The following RPS6KA2 variants were observed in gnomAD, a reference collection of about 807,000 sequenced individuals.
RPS6KA2 encodes the protein ribosomal protein S6 kinase alpha-2.
A neutral mutation model predicts 91.8 loss-of-function variants in RPS6KA2; 42 were observed. That is an observed-to-expected ratio of 0.46 (90% CI 0.36 to 0.59). The LOEUF (loss-of-function observed/expected upper bound fraction) is 0.59, where lower values mean the gene tolerates loss of function less well. Among genes scored for constraint, RPS6KA2 ranks in the 20% least tolerant of loss-of-function variants. RPS6KA2 has a pLI of 0.00. For synonymous variants in RPS6KA2, 414 were observed against 393.6 expected (o/e 1.05, Z -0.61); for missense variants, 798 against 978.5 (o/e 0.82, Z 2.46).
intron 13 of RPS6KA2, among the ~76,000 whole-genome samples, chr6:166,449,794 GCC>G (rs1779796654): frequency 8.8e-6 from 1 of 113,382 alleles, no homozygotes; most frequent in Admixed American, 9.6e-5. Flanking sequence ...CACCATGGGA[GCC>G]ACCACGGGGA....
intron 8 of RPS6KA2, among the ~76,000 whole-genome samples, chr6:166,497,433 G>A (rs1392225933): frequency 6.6e-6 from 1 of 152,240 alleles, no homozygotes; most frequent in African/African-American, 2.4e-5. Flanking sequence ...CTCCGACTGC[G>A]AACTGGCTTT....
At chr6:166,489,852 A>C (rs1781530319) in intron 9 of RPS6KA2, among the ~76,000 whole-genome samples, 1 of 152,116 alleles carries the variant, frequency 6.6e-6, no homozygotes, top group African/African-American at 2.4e-5. Flanking sequence ...CAATTTTATA[A>C]AAGTTATGTG....
At chr6:166,522,262 C>T (rs58357549) in intron 3 of RPS6KA2, among the ~76,000 whole-genome samples, 1,553 of 152,272 alleles carry the variant, frequency 0.01, 33 homozygotes, top group African/African-American at 0.036. Context: ...AAATTAAATG[C>T]AATTCTGTCA....
intron 2 of RPS6KA2, among the ~76,000 whole-genome samples, chr6:166,753,834 G>A (rs1777916534): frequency 6.6e-6 from 1 of 152,212 alleles, no homozygotes; most frequent in African/African-American, 2.4e-5. Context: ...GAAGAAAACA[G>A]ATCAAGAGCT....
intron 3 of RPS6KA2, among the ~76,000 whole-genome samples, chr6:166,525,214 G>C (rs1177555576): frequency 6.6e-6 from 1 of 152,164 alleles, no homozygotes; most frequent in Non-Finnish European, 1.5e-5. Flanking sequence ...ATACAAAGTG[G>C]GGATATTACC....
At chr6:166,837,366 G>T (rs1187444092) in intron 2 of RPS6KA2, among the ~76,000 whole-genome samples, 4 of 152,212 alleles carry the variant, frequency 2.6e-5, no homozygotes, top group Admixed American at 6.5e-5. Context: ...CTCAGCTCAG[G>T]CTCACTGTGG....
chr6:166,858,797 C>T (rs951169597), intron 1 of RPS6KA2, among the ~76,000 whole-genome samples: 1 of 152,224 alleles, frequency 6.6e-6, no homozygotes, highest in Non-Finnish European at 1.5e-5. Context: ...TTAAGTGGAA[C>T]CATCTGGGTC....
At chr6:166,464,145 C>T (rs992889821) in intron 11 of RPS6KA2, among the ~76,000 whole-genome samples, 1 of 152,228 alleles carries the variant, frequency 6.6e-6, no homozygotes, top group African/African-American at 2.4e-5. Context: ...ACTCTCTGCG[C>T]CATACTGCAA....
rs1183164179 is a variant in RPS6KA2 at position 166,767,982 on chromosome 6, G to A, written c.123+90218C>T. On this transcript the variant is annotated intron_variant, in intron 2 of 21. Coordinates refer to the RPS6KA2 transcript ENST00000503859. This position sits in a 1 kb window ranked among gnomAD's most constrained non-coding sequence, Gnocchi z 4.6. ...TAAAATCGCTACCTTGGCCACCACT[G>A]CACCATAACAAGAGTGCTCACATTT... 1.3e-5 allele frequency among the ~76,000 whole-genome samples: 2 copies of A among 152,192 alleles called. No homozygotes were observed. The highest frequency in any genetic ancestry group is 2.9e-5 in the Non-Finnish European group (2 of 68,038).
chr6:166,433,447 G>A lies in RPS6KA2; in HGVS notation c.1333-957C>T, dbSNP rs1583127853. 6.6e-6 allele frequency among the ~76,000 whole-genome samples: 1 copy of A among 152,196 alleles called. No homozygotes were observed. The highest frequency in any genetic ancestry group is 1.9e-4 in the East Asian group (1 of 5,198). Reference sequence around the variant, plus strand: ...TGGTCCCTGGTGGCTAATCCCTCTGGAGGTGCCTAAGTCCCGCCCTTGCCG... The same window carrying A: ...TGGTCCCTGGTGGCTAATCCCTCTGAAGGTGCCTAAGTCCCGCCCTTGCCG... On this transcript the variant is annotated intron_variant, in intron 14 of 20. Coordinates refer to ENST00000265678, the MANE Select transcript of RPS6KA2 (RefSeq NM_021135.6). The surrounding 1 kb of genome is among the most constrained non-coding windows in gnomAD (Gnocchi z 4.4).
rs1779635108 is a variant in RPS6KA2, at chr6:166,445,065, G to A, written c.1332+3659C>T. ...AAAATTAGAAACCTGCAAAAATGCA[G>A]AAATAACTTAAAGCAAAATATAATG... On this transcript the variant is annotated intron_variant, in intron 14 of 20. Coordinates refer to ENST00000265678, the MANE Select transcript of RPS6KA2 (RefSeq NM_021135.6). The surrounding 1 kb of genome is among the most constrained non-coding windows in gnomAD (Gnocchi z 4.5). Among the ~76,000 whole-genome samples the A allele has an allele frequency of 6.6e-6, 1 of 152,150 alleles. No homozygotes were observed. The highest frequency in any genetic ancestry group is 1.5e-5 in the Non-Finnish European group (1 of 68,032).
chr6:166,476,384 C>T (rs1281465389), intron 10 of RPS6KA2, among the ~76,000 whole-genome samples: 2 of 152,160 alleles, frequency 1.3e-5, no homozygotes, highest in Non-Finnish European at 2.9e-5. Flanking sequence ...AAGAAACTCA[C>T]ACAGAGGGGC....
intron 2 of RPS6KA2, among the ~76,000 whole-genome samples, chr6:166,697,909 G>A (rs1021305861): frequency 1.3e-5 from 2 of 152,174 alleles, no homozygotes; most frequent in African/African-American, 2.4e-5. Flanking sequence ...GATCTGGCAC[G>A]GGGAGGACTC....
chr6:166,731,686 C>T (rs1212679660), intron 2 of RPS6KA2, among the ~76,000 whole-genome samples: 3 of 151,030 alleles, frequency 2.0e-5, no homozygotes, highest in Non-Finnish European at 4.4e-5. Context: ...CTTGCCTTTT[C>T]CTACACACAA....
intron 2 of RPS6KA2, among the ~76,000 whole-genome samples, chr6:166,729,151 G>A (rs1326823787): frequency 6.6e-6 from 1 of 152,172 alleles, no homozygotes; most frequent in East Asian, 1.9e-4. Context: ...GGCAGAGCGT[G>A]AAACAAGATT....
In RPS6KA2 at chr6:166,490,790, G is replaced by A. The variant is rs144339786; in HGVS notation, c.748-49C>T. On this transcript the variant is annotated intron_variant, in intron 8 of 20. Transcript: ENST00000265678. The surrounding 1 kb of genome is among the most constrained non-coding windows in gnomAD (Gnocchi z 4.2). ...TGAGTTCATTCATCCAGATGGACCC[G>A]GCTTCACGGCAGAGTACCCCAGCAG... 3.4e-5 allele frequency: 49 copies of A among 1,435,058 alleles called. 1 individual carries two copies. Among genetic ancestry groups the A allele is most frequent in the African/African-American group, 1.3e-4 (9 of 70,866 alleles). 88.9% of individuals were successfully genotyped at this position (1,435,058 alleles called of 1,614,324 possible). A position where few individuals can be genotyped will look rare whatever the true frequency, so the allele number is the denominator to read the frequency against.
rs73270766 is a variant in RPS6KA2 at position 166,852,047 on chromosome 6, G to A, written c.123+6153C>T. Among the ~76,000 whole-genome samples the A allele has an allele frequency of 0.032, 4,889 of 152,252 alleles. 191 individuals are homozygous for A. Among genetic ancestry groups the A allele is most frequent in the African/African-American group, 0.096 (3,983 of 41,518 alleles). ...GTTATTCTCACCCGCTCCACAGTGCGTCTAAACACAGATGGGCCTGCAGTG... is the reference window on the plus strand; with the variant it reads ...GTTATTCTCACCCGCTCCACAGTGCATCTAAACACAGATGGGCCTGCAGTG... On this transcript the variant is annotated intron_variant, in intron 2 of 21. Transcript: ENST00000503859. This position sits in a 1 kb window ranked among gnomAD's most constrained non-coding sequence, Gnocchi z 4.1.
At chr6:166,677,388 G>T (rs1788650647) in intron 2 of RPS6KA2, among the ~76,000 whole-genome samples, 1 of 150,324 alleles carries the variant, frequency 6.7e-6, no homozygotes, top group African/African-American at 2.4e-5. Flanking sequence ...TTGAGACAGG[G>T]TCTCACTTTG....
chr6:166,681,764 C>G (rs1354573177), intron 2 of RPS6KA2, among the ~76,000 whole-genome samples: 1 of 98,794 alleles, frequency 1.0e-5, no homozygotes, highest in East Asian at 2.7e-4. Flanking sequence ...CCTGTCTTGA[C>G]CCTTGTTTGA....
Sources: allele counts gnomAD v4.1 joint callset (sites outside exome capture counted in the v4.1 genomes callset), GRCh38; gene constraint gnomAD v4.1.1; non-coding constraint Gnocchi (gnomAD v3.1); transcripts MANE v1.5; gene names NCBI Gene and HGNC (gene_info 2026-07-23, HGNC 2026-07-21).